The following LYAR variants were observed in gnomAD, a reference collection of about 807,000 sequenced individuals.
The protein encoded by LYAR is cell growth-regulating nucleolar protein.
Under a neutral mutation model 45.2 loss-of-function variants are expected in LYAR, and 37 were observed. The ratio of observed to expected loss-of-function variants is 0.82; its 90% confidence interval spans 0.63 to 1.08. The LOEUF is 1.08. Ranked by LOEUF, LYAR falls within the 50% of genes least tolerant of loss-of-function variation. The probability of loss-of-function intolerance (pLI) is 0.00; values close to 1 mark genes in which losing one functional copy is unlikely to be tolerated. For missense variants in LYAR, 493 were observed against 451.0 expected, an observed-to-expected ratio of 1.09 and a Z score of -0.84; for synonymous variants, 176 against 155.1, an observed-to-expected ratio of 1.14 and a Z score of -1.00.
chr4:4,277,672 G>A (rs573267709), intron 6 of LYAR, among the ~76,000 whole-genome samples: 256 of 152,294 alleles, frequency 1.7e-3, no homozygotes, highest in African/African-American at 6.1e-3. Context: ...ATCAGGACCT[G>A]ACATTACACC....
intron 3 of LYAR, among the ~76,000 whole-genome samples, 193 bp downstream of exon 3, chr4:4,283,428 C>T (rs549175966): frequency 3.3e-5 from 5 of 152,340 alleles, no homozygotes; most frequent in African/African-American, 1.2e-4. Context: ...GGATTACAGG[C>T]CTGAGCCACT....
chr4:4,274,789 A>T lies in LYAR; in HGVS notation c.430-20T>A, dbSNP rs1322741682. ...TGGTTCCTTATCATTAAGCAAAAGC[A>T]AGAAACACATATTCATTTTAAATGT... On this transcript the variant is annotated intron_variant, in intron 6 of 9. Coordinates refer to ENST00000343470, the MANE Select transcript of LYAR (RefSeq NM_017816.3). 6.4e-7 allele frequency: 1 copy of T among 1,574,332 alleles called. No individual in the cohort carries two copies. Among genetic ancestry groups the T allele is most frequent in the Admixed American group, 2.1e-5 (1 of 48,620 alleles).
At chr4:4,268,102 A>G in intron 9 of LYAR, 79 bp from the exon 10 acceptor site, 1 of 1,284,454 alleles carries the variant, frequency 7.8e-7, no homozygotes, top group Non-Finnish European at 1.0e-6. Flanking sequence ...ACCCAGAAAT[A>G]GAACAACAGG....
At chr4:4,275,320 C>T (rs1224442424) in intron 6 of LYAR, among the ~76,000 whole-genome samples, 1 of 152,158 alleles carries the variant, frequency 6.6e-6, no homozygotes, top group Non-Finnish European at 1.5e-5. Context: ...CCCAATAAAC[C>T]AGCCCATTGT....
intron 6 of LYAR, among the ~76,000 whole-genome samples, chr4:4,275,351 T>G (rs993323145): frequency 3.3e-5 from 5 of 152,110 alleles, no homozygotes; most frequent in African/African-American, 1.2e-4. Flanking sequence ...TTTTGTAAAT[T>G]ATCAGCCTTA....
rs765393104 is a variant in LYAR at position 4,268,517 on chromosome 4, TC to T, written c.1005+12del. On this transcript the variant is annotated intron_variant, in intron 9 of 9. Coordinates refer to ENST00000343470, the MANE Select transcript of LYAR (RefSeq NM_017816.3). Reference sequence around the variant, plus strand: ...CCAGCTGTTAGACACGTGGGTTTGTTCATATGCCATACCTTTTTCCTTAGCT... The same window carrying T: ...CCAGCTGTTAGACACGTGGGTTTGTTATATGCCATACCTTTTTCCTTAGCT... 1.9e-6 allele frequency: 3 copies of T among 1,583,890 alleles called. No homozygotes were observed. Among genetic ancestry groups the T allele is most frequent in the Non-Finnish European group, 8.6e-7 (1 of 1,156,258 alleles).
In LYAR at chr4:4,273,572, C is replaced by T. The variant is rs1326295833; in HGVS notation, c.919+11G>A. 6.2e-7 allele frequency: 1 copy of T among 1,602,304 alleles called. No homozygotes were observed. The highest frequency in any genetic ancestry group is 1.1e-5 in the South Asian group (1 of 90,526). ...CCCAGCCGTGCTCCTCAAATGACAG[C>T]AGTGATATACCTTTTGCAGGAGCCT... On this transcript the variant is annotated intron_variant, in intron 8 of 9. Transcript: ENST00000343470.
In LYAR at chr4:4,275,230, G is replaced by A. The variant is rs570714140; in HGVS notation, c.430-461C>T. On this transcript the variant is annotated intron_variant, in intron 6 of 9. Coordinates refer to ENST00000343470, the MANE Select transcript of LYAR (RefSeq NM_017816.3). ...AAACCTATTTCCTCATCTGTAAAAT[G>A]AAAGGTAGTAATACCTACCTCACAC... 1.8e-4 allele frequency among the ~76,000 whole-genome samples: 27 copies of A among 152,290 alleles called. 1 individual carries two copies. The South Asian group carries it at 5.6e-3, about 32-fold the overall frequency.
chr4:4,272,723 C>T (rs1251580513), intron 8 of LYAR, among the ~76,000 whole-genome samples: 2 of 152,138 alleles, frequency 1.3e-5, no homozygotes, highest in Admixed American at 1.3e-4. Context: ...TTTTCCATCC[C>T]ACAGATATGG....
In LYAR at chr4:4,283,660, C is replaced by A; in HGVS notation, c.83G>T (p.Cys28Phe). 6.2e-7 allele frequency: 1 copy of A among 1,613,076 alleles called. No homozygotes were observed. Among genetic ancestry groups the A allele is most frequent in the Non-Finnish European group, 8.5e-7 (1 of 1,179,854 alleles). The change falls in exon 3 of 10, where the codon TGT becomes TTT. Residue 28 changes from cysteine (C) to phenylalanine (F), a missense_variant. Physicochemically the swap from Cys to Phe is radical, Grantham distance 205. Coordinates refer to ENST00000343470, the MANE Select transcript of LYAR (RefSeq NM_017816.3). The stretch of plus-strand genomic sequence containing the variant: ...GCAGTCAATGCAAGAAAGGCATTCA[C>A]AGTTTCTGCAAACAGACACATGCTT... ...VEKHVSVCRNCECLSCIDCGK... is the reference protein window; with the variant it reads ...VEKHVSVCRNFECLSCIDCGK...
chr4:4,289,478 C>T (rs2980155), intron 1 of LYAR: 56,405 of 152,004 alleles, frequency 0.37, 11,055 homozygotes, highest in East Asian at 0.55. Flanking sequence ...CATGGAGCAC[C>T]CAAGCCCTCT....
At chr4:4,268,839 T>C (rs1718813607) in intron 8 of LYAR, 1 of 439,332 alleles carries the variant, frequency 2.3e-6, no homozygotes, top group African/African-American at 2.0e-5. Context: ...CATGTGCTAT[T>C]GGCATGACAA....
chr4:4,277,455 G>T (rs1013902076), intron 6 of LYAR, among the ~76,000 whole-genome samples: 2 of 152,044 alleles, frequency 1.3e-5, no homozygotes, highest in Non-Finnish European at 2.9e-5. Flanking sequence ...CCAACTCCTC[G>T]GCCACAGGGA....
intron 8 of LYAR, chr4:4,268,922 C>A (rs2108835561): frequency 4.5e-6 from 1 of 224,558 alleles, no homozygotes; most frequent in Non-Finnish European, 8.6e-6. Context: ...ATGGGGCTGT[C>A]CATGCACAGT....
chr4:4,278,872 T>C (rs1237681233), intron 6 of LYAR, among the ~76,000 whole-genome samples: 2 of 152,194 alleles, frequency 1.3e-5, no homozygotes, highest in Non-Finnish European at 2.9e-5. Flanking sequence ...TTCCCATGTA[T>C]CTATCTCCCT....
Position 4,290,069 on chromosome 4 carries a change from G to A in LYAR, c.-141C>T. 6.5e-6 allele frequency: 1 copy of A among 152,844 alleles called. No individual in the cohort carries two copies. 9.5% of individuals were successfully genotyped at this position (152,844 alleles called of 1,614,324 possible). ...CAGCGCCCGCCAACGGTTTCAACCG[G>A]CCGCGGGGAGCACGTGGACTCGCCG... On this transcript the variant is annotated 5_prime_UTR_variant, in exon 1 of 10. Transcript: ENST00000343470.
At chr4:4,284,580 G>A (rs1028368451) in intron 2 of LYAR, among the ~76,000 whole-genome samples, 3 of 152,124 alleles carry the variant, frequency 2.0e-5, no homozygotes, top group Non-Finnish European at 4.4e-5. Context: ...AAACCCAGGT[G>A]TCCCGAGCAC....
Position 4,285,657 on chromosome 4 carries a change from T to C in LYAR, c.-54+862A>G, listed in dbSNP as rs182956532. 9.8e-5 allele frequency among the ~76,000 whole-genome samples: 15 copies of C among 152,338 alleles called. No individual in the cohort carries two copies. In the East Asian group the frequency reaches 2.9e-3, roughly 29 times the overall value. On this transcript the variant is annotated intron_variant, in intron 2 of 9. Transcript: ENST00000343470. The stretch of plus-strand genomic sequence containing the variant: ...CTGCTGAAAAACGTTAAAGCACTTT[T>C]CTAATAAGATACAACAACAAAAAAC...
intron 4 of LYAR, among the ~76,000 whole-genome samples, chr4:4,280,057 T>C (rs1003829654): frequency 4.6e-5 from 7 of 152,170 alleles, no homozygotes; most frequent in Non-Finnish European, 1.0e-4. Context: ...CACACAAAAA[T>C]TGTTAGAATA....
Sources: gnomAD v4.1 joint callset for allele counts (sites outside exome capture counted in the v4.1 genomes callset) on GRCh38, gnomAD v4.1.1 for gene constraint, MANE v1.5 for transcripts, NCBI Gene and HGNC (gene_info 2026-07-23, HGNC 2026-07-21) for gene names.